ACOX1: variants seen among roughly 807,000 people sequenced by gnomAD.
ACOX1 encodes the protein peroxisomal acyl-coenzyme A oxidase 1.
In ACOX1, 41 loss-of-function variants were observed where a neutral mutation model predicts 75.5. The ratio of observed to expected loss-of-function variants is 0.54; its 90% CI spans 0.42 to 0.70. The LOEUF is 0.70. Ranked by LOEUF, ACOX1 falls within the 30% of genes least tolerant of loss-of-function variation. The probability of loss-of-function intolerance (pLI) is 0.00; values close to 1 mark genes in which losing one functional copy is unlikely to be tolerated. For synonymous variants in ACOX1, 303 were observed against 298.8 expected, an observed-to-expected ratio of 1.01 and a Z score of -0.15; for missense variants, 630 against 837.5, an observed-to-expected ratio of 0.75 and a Z score of 3.06.
intron 13 of ACOX1, among the ~76,000 whole-genome samples, chr17:75,947,488 C>A (rs2065732270): frequency 6.6e-6 from 1 of 152,036 alleles, no homozygotes; most frequent in Admixed American, 6.6e-5. Flanking sequence ...CTCAGGTGAT[C>A]CACCTGCCTC....
rs1166143285 is a variant in ACOX1, at chr17:75,953,482, C to T, written c.913G>A (p.Ala305Thr). 1.6e-5 allele frequency: 26 copies of T among 1,613,936 alleles called. No individual in the cohort carries two copies. Among genetic ancestry groups the T allele is most frequent in the African/African-American group, 6.7e-5 (5 of 74,914 alleles). ...KACTIAIRYS[A>T]VRHQSEIKPG... ...TTGATTTCAGACTGGTGCCTCACAG[C>T]GCTGTATCGGATGGCAATGGTGCAC... is the stretch of plus-strand genomic sequence containing the variant. The change falls in exon 7 of 14, where the codon GCT (alanine) becomes ACT (threonine). Residue 305 changes from alanine to threonine, a missense_variant. Physicochemically the swap from Ala to Thr is moderately conservative, Grantham distance 58 (BLOSUM62 0). This residue lies in a region of ACOX1 where 390 missense variants were observed against 574.9 expected (regional missense o/e 0.68). Coordinates refer to ENST00000293217, the MANE Select transcript of ACOX1 (RefSeq NM_004035.7).
rs368271580 is a variant in ACOX1, at chr17:75,953,518, G to A, written c.877C>T (p.Leu293=). 3.3e-5 allele frequency: 53 copies of A among 1,614,194 alleles called. 1 individual carries two copies. The African/African-American group carries it at 6.8e-4, about 21-fold the overall frequency. The change falls in exon 7 of 14, where the codon CTG becomes TTG. Residue 293 remains leucine, a synonymous_variant. Coordinates refer to ENST00000293217, the MANE Select transcript of ACOX1 (RefSeq NM_004035.7). ...ATGGCAATGGTGCACGCCTTAGACA[G>A]AGCCCGAGCAGCTTCTCCCACAAGG... The part of the protein sequence containing the change: ...SFLVGEAARA[L]SKACTIAIRY...
intron 2 of ACOX1, among the ~76,000 whole-genome samples, chr17:75,971,183 A>C (rs2065990371): frequency 6.6e-6 from 1 of 151,410 alleles, no homozygotes; most frequent in Admixed American, 6.6e-5. Context: ...CCCAGCTACT[A>C]GGGAGGGAGA....
chr17:75,956,606 T>C (rs1394503928), intron 4 of ACOX1, among the ~76,000 whole-genome samples: 3 of 151,184 alleles, frequency 2.0e-5, no homozygotes, highest in Non-Finnish European at 4.4e-5. Flanking sequence ...GAGAATCGCT[T>C]GAACCCAGAA....
intron 3 of ACOX1, among the ~76,000 whole-genome samples, chr17:75,959,656 T>G (rs1317125094): frequency 6.6e-6 from 1 of 152,130 alleles, no homozygotes; most frequent in East Asian, 1.9e-4. Context: ...TGAAACCAAA[T>G]GCCTGCAAGT....
intron 2 of ACOX1, among the ~76,000 whole-genome samples, chr17:75,977,050 T>C (rs1173445663): frequency 1.5e-5 from 2 of 136,454 alleles, no homozygotes; most frequent in Non-Finnish European, 3.0e-5. Context: ...CAGTCTGGAG[T>C]GCAGTGGCGT....
At chr17:75,953,009 A>G (rs573208807) in intron 7 of ACOX1, among the ~76,000 whole-genome samples, 35 of 152,154 alleles carry the variant, frequency 2.3e-4, no homozygotes, top group Non-Finnish European at 4.0e-4. Context: ...AAAGAGTATC[A>G]GGGAGTATCA....
chr17:75,973,495 T>C (rs2066015824), intron 2 of ACOX1: 5 of 993,804 alleles, frequency 5.0e-6, no homozygotes, highest in Admixed American at 4.0e-5. Flanking sequence ...AAACAAGAAG[T>C]TGAATTTTGA....
Position 75,946,291 on chromosome 17 carries a change from C to A in ACOX1, c.*457G>T. The A allele has an allele frequency of 5.1e-6, 1 of 194,234 alleles. No homozygotes were observed. Among genetic ancestry groups the A allele is most frequent in the Non-Finnish European group, 1.1e-5 (1 of 93,114 alleles). The allele number at this position is 194,234 out of a possible 1,614,324, so 12.0% of individuals were successfully genotyped here. ...CCCCAGTCCCTTTTCTTCAATCCTG[C>A]TTTTAAGCCAGGCCCCAGGGTAAGT... On this transcript the variant is annotated 3_prime_UTR_variant, in exon 14 of 14. Transcript: ENST00000293217.
intron 13 of ACOX1, 45 bp from the exon 14 acceptor site, chr17:75,946,840 A>G (rs1401556006): frequency 1.1e-5 from 18 of 1,569,066 alleles, no homozygotes; most frequent in Admixed American, 1.7e-5. Flanking sequence ...AGAGTTTGCC[A>G]TGTTAAATAG....
At chr17:75,948,842 G>A (rs1395486364) in intron 12 of ACOX1, among the ~76,000 whole-genome samples, 1 of 150,514 alleles carries the variant, frequency 6.6e-6, no homozygotes, top group Non-Finnish European at 1.5e-5. Flanking sequence ...GAGCCACTGT[G>A]CCTGGCTATT....
At chr17:75,968,256 G>A (rs1307877531) in intron 2 of ACOX1, among the ~76,000 whole-genome samples, 1 of 148,288 alleles carries the variant, frequency 6.7e-6, no homozygotes, top group African/African-American at 2.5e-5. Context: ...CTAAAACGGT[G>A]AAACCCCGTC....
At chr17:75,972,426 C>A (rs2066005306) in intron 2 of ACOX1, among the ~76,000 whole-genome samples, 1 of 150,716 alleles carries the variant, frequency 6.6e-6, no homozygotes, top group Non-Finnish European at 1.5e-5. Flanking sequence ...GTGGACAGAT[C>A]ACCTGAGGTC....
At chr17:75,964,666 G>C (rs567686713) in intron 2 of ACOX1, among the ~76,000 whole-genome samples, 3 of 152,312 alleles carry the variant, frequency 2.0e-5, no homozygotes, top group Admixed American at 6.5e-5. Context: ...GTTACAAGGA[G>C]AAAGTGAACT....
In ACOX1 at chr17:75,951,491, A is replaced by T. The variant is rs757531112; in HGVS notation, c.1031T>A (p.Val344Glu). ...LLATAYAFQF[V>E]GAYMKETYHR... ...ATAGGTCTCCTTCATGTATGCGCCC[A>T]CAAACTGGAAGGCATAGGCAGTGGC... Residue 344 changes from valine to glutamate, a missense_variant, in exon 8 of 14, where the codon GTG (valine) becomes GAG (glutamate). Physicochemically the swap from Val to Glu is moderately radical, Grantham distance 121 (BLOSUM62 -2). Around this residue, in one of 2 missense-constraint regions of ACOX1, gnomAD observed 390 missense variants for 574.9 expected, o/e 0.68. Transcript: ENST00000293217. The T allele has an allele frequency of 1.9e-6, 3 of 1,614,170 alleles. No individual in the cohort carries two copies. The Admixed American group carries it at 5.0e-5, about 27-fold the overall frequency.
chr17:75,978,383 G>T lies in ACOX1; in HGVS notation c.269+151C>A, dbSNP rs964418217. 6.6e-6 allele frequency: 7 copies of T among 1,055,832 alleles called. No homozygotes were observed. Among genetic ancestry groups the T allele is most frequent in the Non-Finnish European group, 1.4e-6 (1 of 712,930 alleles). 65.4% of individuals were successfully genotyped at this position (1,055,832 alleles called of 1,614,324 possible). A position where few individuals can be genotyped will look rare whatever the true frequency, so the allele number is the denominator to read the frequency against. On this transcript the variant is annotated intron_variant, in intron 2 of 13. Transcript: ENST00000293217. This position sits in a 1 kb window ranked among gnomAD's most constrained non-coding sequence, Gnocchi z 4.2. ...GCTGGGATTACAGGCGTGAGCCACCGCGCCCGGCCACACATATAACTTTAT... is the reference window on the plus strand; with the variant it reads ...GCTGGGATTACAGGCGTGAGCCACCTCGCCCGGCCACACATATAACTTTAT...
intron 3 of ACOX1, among the ~76,000 whole-genome samples, chr17:75,958,677 G>A (rs1002077664): frequency 2.4e-4 from 37 of 151,450 alleles, no homozygotes; most frequent in Admixed American, 1.9e-3. Flanking sequence ...GCATGGTGGT[G>A]GGTGCCTGTA....
chr17:75,949,085 A>C, intron 12 of ACOX1, 132 bp downstream of exon 12: 1 of 1,021,522 alleles, frequency 9.8e-7, no homozygotes, highest in Non-Finnish European at 1.5e-6. Context: ...TGAACTCCTG[A>C]CCTCAAGTGA....
chr17:75,966,522 G>A (rs1464091435), intron 2 of ACOX1, among the ~76,000 whole-genome samples: 1 of 151,186 alleles, frequency 6.6e-6, no homozygotes, highest in Non-Finnish European at 1.5e-5. Context: ...AAAAAGTCTT[G>A]GCTGGGCACG....
Sources: gnomAD v4.1 joint callset for allele counts (sites outside exome capture counted in the v4.1 genomes callset) on GRCh38, gnomAD v4.1.1 for gene constraint, gnomAD v4.1.1 regional missense constraint, Gnocchi (gnomAD v3.1) non-coding constraint, MANE v1.5 for transcripts, NCBI Gene and HGNC (gene_info 2026-07-23, HGNC 2026-07-21) for gene names.